ARSG: variants seen among roughly 807,000 people sequenced by gnomAD.
ARSG encodes the protein arylsulfatase G, also known as ASG.
In ARSG, 37 loss-of-function variants were observed where a neutral mutation model predicts 50.5. The observed-to-expected ratio is 0.73, with a 90% CI of 0.56 to 0.96. The LOEUF (loss-of-function observed/expected upper bound fraction) is 0.96, where lower values mean the gene tolerates loss of function less well. Ranked by LOEUF, ARSG falls within the 50% of genes least tolerant of loss-of-function variation. The probability of loss-of-function intolerance (pLI) is 0.00; values close to 1 mark genes in which losing one functional copy is unlikely to be tolerated. For missense variants in ARSG, 629 were observed against 675.3 expected, an observed-to-expected ratio of 0.93 and a Z score of 0.76; for synonymous variants, 225 against 254.6, an observed-to-expected ratio of 0.88 and a Z score of 1.11.
intron 2 of ARSG, among the ~76,000 whole-genome samples, chr17:68,310,543 G>A (rs141581079): frequency 4.6e-4 from 70 of 152,182 alleles, no homozygotes; most frequent in Non-Finnish European, 7.2e-4. Flanking sequence ...GAGAACAAGC[G>A]TTAGAGCTTT....
chr17:68,445,355 G>C, the ARSG span, among the ~76,000 whole-genome samples: 1 of 152,118 alleles, frequency 6.6e-6, no homozygotes, highest in Non-Finnish European at 1.5e-5. Flanking sequence ...TATAAAAATG[G>C]GTTTCTTTGC....
At chr17:68,260,028 T>G (rs1305752112) in intron 1 of ARSG, among the ~76,000 whole-genome samples, 2 of 152,242 alleles carry the variant, frequency 1.3e-5, no homozygotes, top group African/African-American at 4.8e-5. Flanking sequence ...AACTTGTTTC[T>G]TTAAAAGCTT....
intron 1 of ARSG, among the ~76,000 whole-genome samples, chr17:68,266,444 T>TATAAAAAGTATATATA (rs2075166146): frequency 1.1e-5 from 1 of 90,126 alleles, no homozygotes; most frequent in Non-Finnish European, 2.3e-5. Flanking sequence ...ATACTTTTTT[T>TATAAAAAGTATATATA]TGTATAAAAA....
At chr17:68,309,551 C>T (rs984966202) in intron 2 of ARSG, among the ~76,000 whole-genome samples, 4 of 152,060 alleles carry the variant, frequency 2.6e-5, no homozygotes, top group South Asian at 2.1e-4. Flanking sequence ...GGTCACAGAG[C>T]GAGACTCTGT....
chr17:68,345,697 C>T (rs555488088), intron 3 of ARSG, among the ~76,000 whole-genome samples: 11 of 152,242 alleles, frequency 7.2e-5, no homozygotes, highest in Non-Finnish European at 1.2e-4. Flanking sequence ...CCTAGCTGTG[C>T]GAATACCACT....
intron 6 of ARSG, among the ~76,000 whole-genome samples, chr17:68,363,921 A>C (rs1213554908): frequency 1.3e-5 from 2 of 152,118 alleles, no homozygotes; most frequent in African/African-American, 2.4e-5. Context: ...CCCCTTGCCC[A>C]TCCATCCCCA....
chr17:68,341,199 G>A (rs1405443454), intron 2 of ARSG, among the ~76,000 whole-genome samples: 4 of 152,074 alleles, frequency 2.6e-5, no homozygotes, highest in Non-Finnish European at 5.9e-5. Context: ...TTTCCTCTGT[G>A]TGGTCATATT....
chr17:68,323,182 T>C (rs1555771204), intron 2 of ARSG, among the ~76,000 whole-genome samples: 1 of 152,266 alleles, frequency 6.6e-6, no homozygotes, highest in African/African-American at 2.4e-5. Flanking sequence ...GTGTGACTTA[T>C]AAATTCTCTC....
chr17:68,396,832 C>G (rs1006894353), intron 10 of ARSG, among the ~76,000 whole-genome samples: 2 of 152,174 alleles, frequency 1.3e-5, no homozygotes, highest in Non-Finnish European at 2.9e-5. Flanking sequence ...ATATCTGCCC[C>G]CTAGAGCTGC....
rs1046226861 is a variant in ARSG, at chr17:68,367,040, G to T, written c.705-1508G>T. 6.6e-6 allele frequency among the ~76,000 whole-genome samples: 1 copy of T among 152,080 alleles called. No individual in the cohort carries two copies. The highest frequency in any genetic ancestry group is 2.4e-5 in the African/African-American group (1 of 41,470). On this transcript the variant is annotated intron_variant, in intron 6 of 11. Transcript: ENST00000621439. The surrounding 1 kb of genome is among the most constrained non-coding windows in gnomAD (Gnocchi z 4.5). The stretch of plus-strand genomic sequence containing the variant: ...TTTCACTTAGCATAATATTTTCCGG[G>T]TCCACCCATGTGCTAGCGTGTGGGC...
At chr17:68,302,019 A>G (rs187191614) in intron 1 of ARSG, among the ~76,000 whole-genome samples, 30 of 151,822 alleles carry the variant, frequency 2.0e-4, no homozygotes, top group African/African-American at 6.3e-4. Context: ...TTCTCCCCTC[A>G]CTGTCAAAAA....
At chr17:68,317,352 C>A (rs7216409) in intron 2 of ARSG, among the ~76,000 whole-genome samples, 1 of 151,982 alleles carries the variant, frequency 6.6e-6, no homozygotes, top group Non-Finnish European at 1.5e-5. Context: ...CCGAGAGAGA[C>A]GAAGTGTTTT....
chr17:68,375,526 C>T (rs2080102229), intron 8 of ARSG, among the ~76,000 whole-genome samples: 1 of 152,200 alleles, frequency 6.6e-6, no homozygotes, highest in Admixed American at 6.5e-5. Flanking sequence ...GTATGTCAGG[C>T]ACTAGCTACA....
At chr17:68,299,449 A>C (rs1184251692) in intron 1 of ARSG, among the ~76,000 whole-genome samples, 2 of 152,042 alleles carry the variant, frequency 1.3e-5, no homozygotes, top group Admixed American at 1.3e-4. Context: ...CAGGCTGAAC[A>C]TGACAAGGGG....
chr17:68,415,902 G>A (rs1281452137), intron 11 of ARSG, among the ~76,000 whole-genome samples: 2 of 152,148 alleles, frequency 1.3e-5, no homozygotes, highest in Middle Eastern at 3.4e-3. Flanking sequence ...AAATGTATGC[G>A]AGTCCTTATA....
At chr17:68,374,180 CAA>C (rs1327901589) in intron 8 of ARSG, among the ~76,000 whole-genome samples, 2 of 129,188 alleles carry the variant, frequency 1.5e-5, no homozygotes, top group East Asian at 2.1e-4. Context: ...AAAAAAGAAA[CAA>C]GAGCCTAGAG....
intron 11 of ARSG, among the ~76,000 whole-genome samples, chr17:68,417,585 G>A (rs1442261618): frequency 6.6e-6 from 1 of 151,832 alleles, no homozygotes; most frequent in Non-Finnish European, 1.5e-5. Context: ...CCTACTCCTG[G>A]CACTGGTTCT....
chr17:68,425,894 A>G (rs1334377776), downstream of ARSG: 2 of 592,996 alleles, frequency 3.4e-6, no homozygotes, highest in Admixed American at 6.0e-5. Flanking sequence ...CCTAAAGCCT[A>G]CTCTGTAGGA....
intron 5 of ARSG, among the ~76,000 whole-genome samples, chr17:68,355,439 ACCTCCG>A (rs569998572): frequency 1.4e-4 from 21 of 151,994 alleles, no homozygotes; most frequent in Non-Finnish European, 2.8e-4. Context: ...GCTCACTGCA[ACCTCCG>A]CCTCCTAGGT....
Sources: allele counts gnomAD v4.1 joint callset (sites outside exome capture counted in the v4.1 genomes callset), GRCh38; gene constraint gnomAD v4.1.1; non-coding constraint Gnocchi (gnomAD v3.1); transcripts MANE v1.5; gene names NCBI Gene and HGNC (gene_info 2026-07-23, HGNC 2026-07-21).